GALNTL6: variants seen among roughly 807,000 people sequenced by gnomAD.
GALNTL6 encodes the protein polypeptide N-acetylgalactosaminyltransferase like 6, also known as polypeptide N-acetylgalactosaminyltransferase-like 6.
In GALNTL6, 46 loss-of-function variants were observed where a neutral mutation model predicts 73.7. The observed-to-expected ratio is 0.62, with a 90% CI of 0.49 to 0.80. The LOEUF (loss-of-function observed/expected upper bound fraction) is 0.80, where lower values mean the gene tolerates loss of function less well. Ranked by LOEUF, GALNTL6 falls within the 30% of genes least tolerant of loss-of-function variation. The pLI, the probability that GALNTL6 is intolerant of heterozygous loss-of-function variation, is 0.00. For synonymous variants in GALNTL6, 259 were observed against 263.7 expected (o/e 0.98, Z 0.17); for missense variants, 604 against 755.0 (o/e 0.80, Z 2.34).
chr4:171,914,263 T>C (rs557290859), intron 2 of GALNTL6, among the ~76,000 whole-genome samples: 242 of 152,136 alleles, frequency 1.6e-3, no homozygotes, highest in African/African-American at 5.6e-3. Context: ...CTGTGAAATA[T>C]CTACTTAAAA....
chr4:172,518,912 A>G (rs570851920), intron 5 of GALNTL6, among the ~76,000 whole-genome samples: 30 of 151,816 alleles, frequency 2.0e-4, no homozygotes, highest in South Asian at 8.3e-4. Flanking sequence ...TTTCTAAACT[A>G]TTTTCCTATC....
chr4:172,196,910 A>G (rs1350791916), intron 2 of GALNTL6, among the ~76,000 whole-genome samples: 2 of 152,224 alleles, frequency 1.3e-5, no homozygotes, highest in Admixed American at 6.5e-5. Context: ...CACCACTCCT[A>G]TTCAACATAG....
intron 3 of GALNTL6, among the ~76,000 whole-genome samples, chr4:172,270,909 G>A (rs1425338299): frequency 6.6e-6 from 1 of 152,050 alleles, no homozygotes; most frequent in Non-Finnish European, 1.5e-5. Flanking sequence ...CATGTAACTA[G>A]TATATTCAAA....
rs548285328 is a variant in GALNTL6 at position 172,363,966 on chromosome 4, T to C, written c.553+15277T>C. 2.6e-5 allele frequency among the ~76,000 whole-genome samples: 4 copies of C among 152,336 alleles called. No individual in the cohort carries two copies. The South Asian group carries it at 8.3e-4, about 32-fold the overall frequency. ...AGCTCAGAGAAACAAACTATACTTC[T>C]TTGCAATAATTATTTCCAAATGTTA... On this transcript the variant is annotated intron_variant, in intron 5 of 12. Coordinates refer to ENST00000506823, the MANE Select transcript of GALNTL6 (RefSeq NM_001034845.3).
chr4:173,009,370 A>G, intron 11 of GALNTL6, 76 bp downstream of exon 11: 1 of 894,116 alleles, frequency 1.1e-6, no homozygotes, highest in Non-Finnish European at 1.9e-6. Context: ...TGCAGCTGGA[A>G]CAAATCTCCG....
chr4:172,190,318 G>C (rs980448604), intron 2 of GALNTL6, among the ~76,000 whole-genome samples: 1 of 152,056 alleles, frequency 6.6e-6, no homozygotes, highest in African/African-American at 2.4e-5. Flanking sequence ...GTAATTTATG[G>C]TGTGCTGAAG....
intron 2 of GALNTL6, among the ~76,000 whole-genome samples, chr4:171,883,229 G>A (rs937187373): frequency 2.4e-4 from 36 of 152,022 alleles, no homozygotes; most frequent in Non-Finnish European, 1.2e-4. Flanking sequence ...GGCGCACCCT[G>A]TAATCCCAGC....
intron 7 of GALNTL6, among the ~76,000 whole-genome samples, chr4:172,829,820 C>A (rs2111049752): frequency 6.6e-6 from 1 of 152,262 alleles, no homozygotes; most frequent in Non-Finnish European, 1.5e-5. Context: ...TGAATACTTT[C>A]TTCCAGTTTT....
At chr4:172,656,696 A>G (rs957538307) in intron 5 of GALNTL6, among the ~76,000 whole-genome samples, 1 of 152,230 alleles carries the variant, frequency 6.6e-6, no homozygotes, top group African/African-American at 2.4e-5. Context: ...TCCTTGTATA[A>G]GAGATGGCTG....
At chr4:172,925,756 C>T (rs376166718) in intron 8 of GALNTL6, among the ~76,000 whole-genome samples, 8 of 152,200 alleles carry the variant, frequency 5.3e-5, no homozygotes, top group African/African-American at 1.7e-4. Flanking sequence ...CCAGCAGACA[C>T]CTAGACTTCA....
intron 5 of GALNTL6, among the ~76,000 whole-genome samples, chr4:172,532,258 A>T (rs1436161417): frequency 6.6e-6 from 1 of 152,248 alleles, no homozygotes; most frequent in African/African-American, 2.4e-5. Context: ...AAGGACTGGT[A>T]TCCTTATAAG....
At chr4:172,601,321 T>C (rs1324813950) in intron 5 of GALNTL6, among the ~76,000 whole-genome samples, 5 of 152,116 alleles carry the variant, frequency 3.3e-5, no homozygotes, top group African/African-American at 1.2e-4. Context: ...CATGTTGAAA[T>C]TTGATCACTA....
chr4:172,573,425 T>C (rs1198514643), intron 5 of GALNTL6, among the ~76,000 whole-genome samples: 1 of 152,152 alleles, frequency 6.6e-6, no homozygotes, highest in African/African-American at 2.4e-5. Context: ...AACATTCAAT[T>C]AGGCGTTTAA....
chr4:172,961,189 T>C (rs1425476558), intron 10 of GALNTL6, among the ~76,000 whole-genome samples: 2 of 126,568 alleles, frequency 1.6e-5, no homozygotes, highest in East Asian at 5.0e-4. Context: ...GGGGGGTGCT[T>C]GCCCTCCAGG....
At chr4:172,739,615 T>C (rs1390503335) in intron 5 of GALNTL6, among the ~76,000 whole-genome samples, 10 of 152,152 alleles carry the variant, frequency 6.6e-5, no homozygotes, top group Admixed American at 3.9e-4. Context: ...ACATCAAGTT[T>C]GGAGGAAAAC....
intron 8 of GALNTL6, among the ~76,000 whole-genome samples, chr4:172,897,439 T>A (rs1746388079): frequency 6.6e-6 from 1 of 152,190 alleles, no homozygotes; most frequent in African/African-American, 2.4e-5. Context: ...AGCAACACCA[T>A]GGCAATTTTC....
At chr4:172,349,402 T>A (rs140531360) in intron 5 of GALNTL6, among the ~76,000 whole-genome samples, 1,851 of 152,262 alleles carry the variant, frequency 0.012, 23 homozygotes, top group Non-Finnish European at 0.017. Context: ...TTAGAAAGAA[T>A]GACAGTAAAA....
intron 2 of GALNTL6, among the ~76,000 whole-genome samples, chr4:171,855,183 T>C (rs1270979341): frequency 6.6e-6 from 1 of 152,220 alleles, no homozygotes; most frequent in Non-Finnish European, 1.5e-5. Context: ...TCTATGGGTT[T>C]TGGAAGATAT....
intron 2 of GALNTL6, among the ~76,000 whole-genome samples, chr4:171,901,131 A>G (rs138258351): frequency 6.6e-6 from 1 of 152,288 alleles, no homozygotes; most frequent in East Asian, 1.9e-4. Flanking sequence ...CAGTGATCAT[A>G]CTAGGCCTAC....
Sources: allele counts gnomAD v4.1 joint callset (sites outside exome capture counted in the v4.1 genomes callset), GRCh38; gene constraint gnomAD v4.1.1; transcripts MANE v1.5; gene names NCBI Gene and HGNC (gene_info 2026-07-23, HGNC 2026-07-21).